PDE4D: variants seen among roughly 807,000 people sequenced by gnomAD.
The protein encoded by PDE4D is phosphodiesterase 4D.
PDE4D carries 24 observed loss-of-function variants against 87.4 expected under a neutral mutation model. The observed-to-expected ratio is 0.27, with a 90% confidence interval of 0.20 to 0.39. The LOEUF (loss-of-function observed/expected upper bound fraction) is 0.39, where lower values mean the gene tolerates loss of function less well. Among genes scored for constraint, PDE4D ranks in the 10% least tolerant of loss-of-function variants. The pLI is 1.00. For synonymous variants in PDE4D, 384 were observed against 383.2 expected (o/e 1.00, Z -0.02); for missense variants, 714 against 1,041.0 (o/e 0.69, Z 4.32).
intron 1 of PDE4D, among the ~76,000 whole-genome samples, chr5:59,523,339 C>A (rs569706804): frequency 6.6e-6 from 1 of 152,280 alleles, no homozygotes; most frequent in East Asian, 1.9e-4. Flanking sequence ...AGCTTTGAAC[C>A]ATGAAAACAT....
chr5:59,381,444 T>C (rs2591747), intron 1 of PDE4D, among the ~76,000 whole-genome samples: 23,564 of 151,962 alleles, frequency 0.16, 1,973 homozygotes, highest in East Asian at 0.22. Context: ...TTTATTTTTA[T>C]ATAATTAATA....
chr5:59,238,508 A>T (rs1581541684), intron 1 of PDE4D, among the ~76,000 whole-genome samples: 1 of 152,182 alleles, frequency 6.6e-6, no homozygotes, highest in Non-Finnish European at 1.5e-5. Flanking sequence ...ATGGAGAAGG[A>T]AAAAAGGTCA....
chr5:60,514,323 G>A (rs937682432), intron 1 of PDE4D, among the ~76,000 whole-genome samples: 2 of 151,854 alleles, frequency 1.3e-5, no homozygotes, highest in African/African-American at 4.8e-5. Context: ...AGAAAAACAG[G>A]AACCACTCCC....
At chr5:59,318,001 T>C (rs1175332529) in intron 1 of PDE4D, among the ~76,000 whole-genome samples, 1 of 152,178 alleles carries the variant, frequency 6.6e-6, no homozygotes, top group Non-Finnish European at 1.5e-5. Flanking sequence ...CTTTTGTTTG[T>C]CCGTGATCTT....
At chr5:60,044,122 T>C (rs1768869714) in intron 2 of PDE4D, among the ~76,000 whole-genome samples, 1 of 152,036 alleles carries the variant, frequency 6.6e-6, no homozygotes, top group Non-Finnish European at 1.5e-5. Flanking sequence ...CAATAATTTA[T>C]TGTATATTTT....
At chr5:60,491,718 C>A (rs189053017), upstream of PDE4D, among the ~76,000 whole-genome samples, 1 of 151,816 alleles carries the variant, frequency 6.6e-6, no homozygotes, top group East Asian at 1.9e-4. Context: ...GATGCTAAAA[C>A]CATATCTTTG....
At chr5:59,920,794 G>C (rs927023978) in intron 3 of PDE4D, among the ~76,000 whole-genome samples, 2 of 150,800 alleles carry the variant, frequency 1.3e-5, no homozygotes, top group African/African-American at 4.9e-5. Context: ...CTCACTCATA[G>C]GTGGGAACTG....
At chr5:59,739,325 T>C (rs989092017) in intron 1 of PDE4D, among the ~76,000 whole-genome samples, 1 of 151,664 alleles carries the variant, frequency 6.6e-6, no homozygotes, top group Non-Finnish European at 1.5e-5. Flanking sequence ...GAGGCTGAGA[T>C]GAGAGGATCG....
At chr5:59,540,760 ATCT>A (rs1272474581) in intron 1 of PDE4D, among the ~76,000 whole-genome samples, 1 of 152,202 alleles carries the variant, frequency 6.6e-6, no homozygotes, top group African/African-American at 2.4e-5. Flanking sequence ...TGAGTAAGAA[ATCT>A]TCTTTAAACA....
At chr5:59,788,657 C>CAAG (rs911844792) in intron 1 of PDE4D, among the ~76,000 whole-genome samples, 11 of 152,154 alleles carry the variant, frequency 7.2e-5, no homozygotes, top group African/African-American at 2.7e-4. Flanking sequence ...GCAGTGGTTC[C>CAAG]AAGAAGGGGG....
rs1258967141 is a variant in PDE4D, at chr5:59,634,611, T to A, written c.455+258557A>T. 2.0e-5 allele frequency among the ~76,000 whole-genome samples: 3 copies of A among 151,824 alleles called. 1 individual carries two copies. The highest frequency in any genetic ancestry group is 4.2e-4 in the South Asian group (2 of 4,780). ...CAAAACAGCACAACTACATGGAAAA[T>A]CAAAAAACCTGCTCCTGAATGACTA... On this transcript the variant is annotated intron_variant, in intron 1 of 14. Coordinates refer to ENST00000340635, the MANE Select transcript of PDE4D (RefSeq NM_001104631.2).
chr5:60,282,305 A>C (rs1433427394), intron 1 of PDE4D, among the ~76,000 whole-genome samples: 1 of 151,150 alleles, frequency 6.6e-6, no homozygotes, highest in East Asian at 1.9e-4. Flanking sequence ...CGGTAAAAAA[A>C]AATCTGGAAT....
At chr5:60,065,455 A>G (rs188135808) in intron 2 of PDE4D, among the ~76,000 whole-genome samples, 133 of 151,984 alleles carry the variant, frequency 8.8e-4, no homozygotes, top group Non-Finnish European at 1.6e-3. Context: ...TTATTATTAT[A>G]CTCTAAGTTT....
chr5:58,996,770 T>C (rs1313715103), intron 6 of PDE4D, among the ~76,000 whole-genome samples: 2 of 152,340 alleles, frequency 1.3e-5, no homozygotes, highest in African/African-American at 4.8e-5. Context: ...GAACGAAGTA[T>C]AATTTTCCTG....
At chr5:59,201,975 C>A (rs1331515349) in intron 2 of PDE4D, among the ~76,000 whole-genome samples, 1 of 151,016 alleles carries the variant, frequency 6.6e-6, no homozygotes, top group African/African-American at 2.4e-5. Context: ...CTTTTCAACG[C>A]CAAACTCAGG....
chr5:58,983,307 G>A (rs1434915181), intron 11 of PDE4D, among the ~76,000 whole-genome samples: 2 of 152,252 alleles, frequency 1.3e-5, no homozygotes, highest in Admixed American at 6.5e-5. Context: ...AGAAGGCAGT[G>A]TAATTAATAG....
Position 59,757,743 on chromosome 5 carries a change from C to T in PDE4D, c.455+135425G>A, listed in dbSNP as rs534148504. On this transcript the variant is annotated intron_variant, in intron 1 of 14. Coordinates refer to ENST00000340635, the MANE Select transcript of PDE4D (RefSeq NM_001104631.2). Reference sequence around the variant, plus strand: ...TGATCTTTCTCCTTAGAGCTCAAGACTTTTTTCTTTCCCTGAATGATTGAC... The same window carrying T: ...TGATCTTTCTCCTTAGAGCTCAAGATTTTTTTCTTTCCCTGAATGATTGAC... Among the ~76,000 whole-genome samples, 14 of 152,242 alleles carry T rather than the reference C, an allele frequency of 9.2e-5. No individual in the cohort carries two copies. In the South Asian group the frequency reaches 2.7e-3, roughly 29 times the overall value.
chr5:59,181,944 A>C (rs1741702580), intron 4 of PDE4D, among the ~76,000 whole-genome samples: 1 of 152,080 alleles, frequency 6.6e-6, no homozygotes, highest in South Asian at 2.1e-4. Flanking sequence ...TGAATTTCTT[A>C]GCAGGGTGGG....
intron 1 of PDE4D, among the ~76,000 whole-genome samples, chr5:59,375,693 C>T (rs914166597): frequency 6.6e-6 from 1 of 152,156 alleles, no homozygotes. Context: ...TTCTACAAGG[C>T]CAGCATCTTC....
Sources: gnomAD v4.1 joint callset for allele counts (sites outside exome capture counted in the v4.1 genomes callset) on GRCh38, gnomAD v4.1.1 for gene constraint, MANE v1.5 for transcripts, NCBI Gene and HGNC (gene_info 2026-07-23, HGNC 2026-07-21) for gene names.